Variants in PDE10A observed in about 807,000 individuals in gnomAD.
The protein encoded by PDE10A is phosphodiesterase 10A.
A neutral mutation model predicts 97.7 loss-of-function variants in PDE10A; 39 were observed. The observed-to-expected ratio is 0.40, with a 90% CI of 0.31 to 0.52. The LOEUF is 0.52. Ranked by LOEUF, PDE10A falls within the 20% of genes least tolerant of loss-of-function variation. PDE10A has a pLI of 0.56. For missense variants in PDE10A, 731 were observed against 1,047.8 expected (o/e 0.70, Z 4.17); for synonymous variants, 371 against 376.8 (o/e 0.98, Z 0.18).
At chr6:165,760,268 G>A (rs1562722575) in intron 1 of PDE10A, among the ~76,000 whole-genome samples, 1 of 152,068 alleles carries the variant, frequency 6.6e-6, no homozygotes, top group Non-Finnish European at 1.5e-5. Flanking sequence ...ACACTATCTG[G>A]CAAGCCTAGA....
At chr6:165,732,376 G>A (rs114183962) in intron 1 of PDE10A, among the ~76,000 whole-genome samples, 1,780 of 152,334 alleles carry the variant, frequency 0.012, 33 homozygotes, top group African/African-American at 0.041. Flanking sequence ...CTGGGGGCAG[G>A]TGGCCGAGCC....
intron 3 of PDE10A, among the ~76,000 whole-genome samples, chr6:165,456,747 G>C (rs1433721337): frequency 6.6e-6 from 1 of 152,046 alleles, no homozygotes. Context: ...ATTTTTTCTT[G>C]TTTATATTAA....
chr6:165,843,443 T>G (rs1468844588), intron 1 of PDE10A, among the ~76,000 whole-genome samples: 1 of 152,182 alleles, frequency 6.6e-6, no homozygotes, highest in Non-Finnish European at 1.5e-5. Context: ...CGGTAATTTA[T>G]AAACAACAGA....
At chr6:165,758,624 G>A (rs919189882) in intron 1 of PDE10A, among the ~76,000 whole-genome samples, 125 of 151,474 alleles carry the variant, frequency 8.3e-4, no homozygotes, top group African/African-American at 2.9e-3. Flanking sequence ...AGCAGAAGAA[G>A]AGGAAGAAGA....
At chr6:165,829,250 C>T (rs1042999328) in intron 1 of PDE10A, among the ~76,000 whole-genome samples, 9 of 152,196 alleles carry the variant, frequency 5.9e-5, no homozygotes, top group African/African-American at 2.2e-4. Context: ...GTGGAGCTGC[C>T]CTGGGCACAG....
intron 1 of PDE10A, among the ~76,000 whole-genome samples, chr6:165,868,605 CT>C (rs1377751995): frequency 1.3e-5 from 2 of 152,000 alleles, no homozygotes; most frequent in African/African-American, 4.8e-5. Flanking sequence ...AAGACCAATT[CT>C]TCTCAAACTG....
intron 13 of PDE10A, among the ~76,000 whole-genome samples, chr6:165,404,554 C>T (rs1368683838): frequency 6.6e-6 from 1 of 151,808 alleles, no homozygotes; most frequent in African/African-American, 2.4e-5. Context: ...AAACCTGGAC[C>T]CAGATCACTG....
chr6:165,687,863 G>A (rs982708921), intron 1 of PDE10A, among the ~76,000 whole-genome samples: 3 of 152,172 alleles, frequency 2.0e-5, no homozygotes, highest in African/African-American at 7.2e-5. Context: ...CAAACAGCCT[G>A]GTGAGGTGGG....
At chr6:165,987,139 G>T (rs2128505563) in intron 1 of PDE10A, among the ~76,000 whole-genome samples, 1 of 152,264 alleles carries the variant, frequency 6.6e-6, no homozygotes, top group African/African-American at 2.4e-5. Context: ...CGGGTCTGGC[G>T]CGGCAGCCGC....
At chr6:165,584,666 A>C (rs1031283710) in intron 1 of PDE10A, among the ~76,000 whole-genome samples, 1 of 152,196 alleles carries the variant, frequency 6.6e-6, no homozygotes. Flanking sequence ...TTTCGGCTAC[A>C]AAAAGAAGGT....
At chr6:165,391,040 T>C (rs1785676632) in intron 16 of PDE10A, among the ~76,000 whole-genome samples, 1 of 152,190 alleles carries the variant, frequency 6.6e-6, no homozygotes, top group East Asian at 1.9e-4. Context: ...GTTATCATCT[T>C]TCCAGTTTCT....
intron 18 of PDE10A, among the ~76,000 whole-genome samples, chr6:165,361,638 A>G (rs1488993833): frequency 6.6e-6 from 1 of 152,192 alleles, no homozygotes; most frequent in Non-Finnish European, 1.5e-5. Context: ...AGAAGGAAAG[A>G]CACCAGGGGA....
intron 5 of PDE10A, among the ~76,000 whole-genome samples, chr6:165,438,196 AT>A (rs1043658421): frequency 2.0e-5 from 3 of 150,990 alleles, no homozygotes; most frequent in Non-Finnish European, 3.0e-5. Flanking sequence ...TTAATTTTTA[AT>A]TTTTTTTTGA....
chr6:165,871,312 A>G (rs1277100715), intron 1 of PDE10A, among the ~76,000 whole-genome samples: 1 of 152,256 alleles, frequency 6.6e-6, no homozygotes, highest in African/African-American at 2.4e-5. Context: ...ACTTTATACA[A>G]ATAAAAAATG....
chr6:165,963,239 C>T (rs144342270), intron 1 of PDE10A, among the ~76,000 whole-genome samples: 5 of 152,316 alleles, frequency 3.3e-5, no homozygotes, highest in African/African-American at 1.2e-4. Flanking sequence ...TGTTCTTAAT[C>T]TCCCATCCAG....
chr6:165,777,879 G>T (rs1778232810), intron 1 of PDE10A, among the ~76,000 whole-genome samples: 5 of 151,990 alleles, frequency 3.3e-5, no homozygotes, highest in Admixed American at 3.3e-4. Context: ...ACTGCCTCCT[G>T]CCTCTGCCCC....
At chr6:165,377,490 A>C (rs2128206016) in intron 18 of PDE10A, among the ~76,000 whole-genome samples, 1 of 152,272 alleles carries the variant, frequency 6.6e-6, no homozygotes, top group South Asian at 2.1e-4. Context: ...TTATTTAAAC[A>C]TGCACCACTA....
chr6:165,691,905 C>T (rs1340524374), intron 1 of PDE10A, among the ~76,000 whole-genome samples: 1 of 152,188 alleles, frequency 6.6e-6, no homozygotes, highest in African/African-American at 2.4e-5. Context: ...CTCGGTACAT[C>T]CTTGTGGAAT....
At chr6:165,765,564 G>C (rs747073853) in intron 1 of PDE10A, among the ~76,000 whole-genome samples, 1 of 152,234 alleles carries the variant, frequency 6.6e-6, no homozygotes, top group Non-Finnish European at 1.5e-5. Context: ...CGGCAGGGCC[G>C]GCTGGCTGCT....
Sources: allele counts gnomAD v4.1 joint callset (sites outside exome capture counted in the v4.1 genomes callset), GRCh38; gene constraint gnomAD v4.1.1; transcripts MANE v1.5; gene names NCBI Gene and HGNC (gene_info 2026-07-23, HGNC 2026-07-21).